Variants in SORCS2 observed in about 807,000 individuals in gnomAD.
The protein encoded by SORCS2 is VPS10 domain-containing receptor SorCS2.
In SORCS2, 100 loss-of-function variants were observed where a neutral mutation model predicts 141.6. The observed-to-expected ratio is 0.71, with a 90% CI of 0.60 to 0.83. The LOEUF is 0.83. SORCS2 is among the 40% of genes least tolerant of loss of function. SORCS2 has a pLI of 0.00. For missense variants in SORCS2, 1,646 were observed against 1,560.2 expected, an observed-to-expected ratio of 1.05 and a Z score of -0.93; for synonymous variants, 789 against 676.9, an observed-to-expected ratio of 1.17 and a Z score of -2.57.
chr4:7,438,440 T>C (rs1727446123), intron 2 of SORCS2, among the ~76,000 whole-genome samples: 1 of 152,248 alleles, frequency 6.6e-6, no homozygotes, highest in African/African-American at 2.4e-5. Flanking sequence ...TTGTAATTAA[T>C]AAGCAACATT....
chr4:7,527,041 G>A (rs1345033157), intron 2 of SORCS2, among the ~76,000 whole-genome samples: 1 of 152,194 alleles, frequency 6.6e-6, no homozygotes, highest in Non-Finnish European at 1.5e-5. Context: ...GTGCTAGGCG[G>A]CCCTGCGGGT....
intron 3 of SORCS2, among the ~76,000 whole-genome samples, chr4:7,575,869 A>T (rs1399916240): frequency 6.6e-6 from 1 of 152,200 alleles, no homozygotes; most frequent in African/African-American, 2.4e-5. Context: ...CAATATTTGT[A>T]GTGGGCGAAG....
chr4:7,588,655 C>T (rs938718198), intron 3 of SORCS2, among the ~76,000 whole-genome samples: 3 of 152,260 alleles, frequency 2.0e-5, no homozygotes, highest in Admixed American at 6.5e-5. Flanking sequence ...CTTGTAAAGG[C>T]GTTTTGTATC....
At position 7,740,280 on chromosome 4, in the gene SORCS2, T is replaced by C; in HGVS notation, c.*16T>C. The C allele has an allele frequency of 6.2e-7, 1 of 1,607,374 alleles. No homozygotes were observed. The highest frequency in any genetic ancestry group is 1.1e-5 in the South Asian group (1 of 90,650). ...GGTGAGCTGATGCCACCCCAGCATCTGTCTTTTCACCCACGGAGGGCACAG... is the reference window on the plus strand; with the variant it reads ...GGTGAGCTGATGCCACCCCAGCATCCGTCTTTTCACCCACGGAGGGCACAG... On this transcript the variant is annotated 3_prime_UTR_variant, in exon 27 of 27. Coordinates refer to ENST00000507866, the MANE Select transcript of SORCS2 (RefSeq NM_020777.3).
At chr4:7,388,178 CAGGT>C (rs78508124) in intron 1 of SORCS2, among the ~76,000 whole-genome samples, 205 of 152,278 alleles carry the variant, frequency 1.3e-3, no homozygotes, top group Non-Finnish European at 2.2e-3. Context: ...AGCTGGGAGA[CAGGT>C]AGACGGCCTG....
Position 7,204,704 on chromosome 4 carries a change from G to A in SORCS2, c.480+11578G>A, listed in dbSNP as rs34942057. Among the ~76,000 whole-genome samples, 11 of 152,310 alleles carry A rather than the reference G, an allele frequency of 7.2e-5. No individual in the cohort carries two copies. In the South Asian group the frequency reaches 8.3e-4, roughly 11 times the overall value. On this transcript the variant is annotated intron_variant, in intron 1 of 26. Transcript: ENST00000507866. ...AGAAGGGACACGGTGGCAAGGCTGC[G>A]TCGTGGGAGTCACCTTTCCCTGTTC...
chr4:7,583,126 GC>G (rs1455951889), intron 3 of SORCS2, among the ~76,000 whole-genome samples: 2 of 152,206 alleles, frequency 1.3e-5, no homozygotes, highest in African/African-American at 4.8e-5. Flanking sequence ...TGGGACAGCA[GC>G]CACCTCTGTG....
At chr4:7,209,206 C>A (rs958853826) in intron 1 of SORCS2, among the ~76,000 whole-genome samples, 1 of 152,226 alleles carries the variant, frequency 6.6e-6, no homozygotes, top group Non-Finnish European at 1.5e-5. Flanking sequence ...GCTCAGATGC[C>A]CCCTCCTCAG....
chr4:7,472,918 T>TTA (rs1553871135), intron 2 of SORCS2, among the ~76,000 whole-genome samples: 2 of 147,168 alleles, frequency 1.4e-5, no homozygotes, highest in East Asian at 4.0e-4. Context: ...GTGTTCATCA[T>TTA]AAAAAAAAAA....
chr4:7,484,663 A>G (rs1199956294), intron 2 of SORCS2, among the ~76,000 whole-genome samples: 1 of 152,188 alleles, frequency 6.6e-6, no homozygotes, highest in African/African-American at 2.4e-5. Context: ...ATCCCAGTTT[A>G]AAAGCTAAAA....
intron 10 of SORCS2, among the ~76,000 whole-genome samples, chr4:7,683,158 G>A (rs1723638313): frequency 2.0e-5 from 3 of 152,248 alleles, no homozygotes; most frequent in Admixed American, 1.3e-4. Flanking sequence ...TTACTCCCCA[G>A]ATCTACAGGT....
At chr4:7,688,939 G>T (rs35432850) in intron 10 of SORCS2, among the ~76,000 whole-genome samples, 7,303 of 152,314 alleles carry the variant, frequency 0.048, 270 homozygotes, top group Middle Eastern at 0.075. Flanking sequence ...CAAAGTGAGA[G>T]GGTCTTACGG....
At chr4:7,430,829 G>A (rs1726792454) in intron 2 of SORCS2, 1 of 152,286 alleles carries the variant, frequency 6.6e-6, no homozygotes, top group African/African-American at 2.4e-5. Context: ...TTTCCAGCCT[G>A]AACGCGGCGG....
intron 2 of SORCS2, among the ~76,000 whole-genome samples, chr4:7,476,928 C>T (rs192142269): frequency 6.6e-6 from 1 of 152,234 alleles, no homozygotes; most frequent in African/African-American, 2.4e-5. Flanking sequence ...GTCTAAGAAA[C>T]TCACACCTGC....
intron 2 of SORCS2, among the ~76,000 whole-genome samples, chr4:7,524,724 C>A (rs1205468345): frequency 6.6e-6 from 1 of 152,016 alleles, no homozygotes; most frequent in Non-Finnish European, 1.5e-5. Flanking sequence ...CATCTCTCTT[C>A]CCACCGGCCT....
At chr4:7,602,561 G>C (rs1163325499) in intron 3 of SORCS2, among the ~76,000 whole-genome samples, 1 of 151,430 alleles carries the variant, frequency 6.6e-6, no homozygotes, top group East Asian at 1.9e-4. Flanking sequence ...ATGGGATGGC[G>C]GCGGCCGGGA....
At chr4:7,614,523 A>G (rs1473461593) in intron 3 of SORCS2, among the ~76,000 whole-genome samples, 1 of 147,134 alleles carries the variant, frequency 6.8e-6, no homozygotes, top group Non-Finnish European at 1.5e-5. Flanking sequence ...CTATTCATCC[A>G]CTCTTCCACC....
Position 7,528,033 on chromosome 4 carries a change from CTCTCTCTCTG to C in SORCS2, c.549-3477_549-3468del, listed in dbSNP as rs528800543. On this transcript the variant is annotated intron_variant, in intron 2 of 26. Transcript: ENST00000507866. Reference sequence around the variant, plus strand: ...CTCCTTGTGCTCTCTCTGTCTCTGTCTCTCTCTCTGTCTCTCTCTGTCTCTCTCTCCCCCC... The same window carrying C: ...CTCCTTGTGCTCTCTCTGTCTCTGTCTCTCTCTCTGTCTCTCTCTCCCCCC... 7.7e-3 allele frequency among the ~76,000 whole-genome samples: 1,171 copies of C among 151,936 alleles called. 9 individuals are homozygous for C. The highest frequency in any genetic ancestry group is 0.026 in the African/African-American group (1,091 of 41,408).
At chr4:7,213,884 G>T (rs1214083401) in intron 1 of SORCS2, among the ~76,000 whole-genome samples, 1 of 152,226 alleles carries the variant, frequency 6.6e-6, no homozygotes, top group African/African-American at 2.4e-5. Flanking sequence ...GTCTCCAGGA[G>T]CTGGGCTGGG....
Sources: allele counts gnomAD v4.1 joint callset (sites outside exome capture counted in the v4.1 genomes callset), GRCh38; gene constraint gnomAD v4.1.1; transcripts MANE v1.5; gene names NCBI Gene and HGNC (gene_info 2026-07-23, HGNC 2026-07-21).